The following DPYSL4 variants were observed in gnomAD, a reference collection of about 807,000 sequenced individuals.
DPYSL4 encodes dihydropyrimidinase like 4, also known as dihydropyrimidinase-related protein 4.
Under a neutral mutation model 63.4 loss-of-function variants are expected in DPYSL4, and 43 were observed. That is an observed-to-expected ratio of 0.68 (90% CI 0.53 to 0.88). DPYSL4 has a LOEUF of 0.88. Among genes scored for constraint, DPYSL4 ranks in the 40% least tolerant of loss-of-function variants. The probability of loss-of-function intolerance (pLI) is 0.00; values close to 1 mark genes in which losing one functional copy is unlikely to be tolerated. For synonymous variants in DPYSL4, 353 were observed against 331.7 expected (o/e 1.06, Z -0.70); for missense variants, 733 against 819.5 (o/e 0.89, Z 1.29).
intron 2 of DPYSL4, among the ~76,000 whole-genome samples, chr10:132,191,893 A>C (rs59260286): frequency 8.9e-6 from 1 of 112,822 alleles, no homozygotes; most frequent in Admixed American, 9.7e-5. Context: ...ATCCAGGCAG[A>C]TGAACATAGT....
chr10:132,192,159 A>C, intron 2 of DPYSL4: 2 of 244,830 alleles, frequency 8.2e-6, no homozygotes, highest in Non-Finnish European at 1.3e-5. Flanking sequence ...TTCTAAACCC[A>C]TCCTTGGCAG....
intron 3 of DPYSL4, among the ~76,000 whole-genome samples, chr10:132,193,890 GC>G (rs1365234012): frequency 2.0e-5 from 3 of 152,246 alleles, no homozygotes; most frequent in African/African-American, 7.2e-5. Flanking sequence ...GGTTTACTCA[GC>G]CACAAAGGGA....
rs200919076 is a variant in DPYSL4, at chr10:132,202,720, G to A, written c.1356G>A (p.Val452=). The A allele has an allele frequency of 4.3e-6, 7 of 1,613,492 alleles. No homozygotes were observed. The East Asian group carries it at 6.7e-5, about 15-fold the overall frequency. ...CCGTGGTCATAAGTCAGGGCCGAGT[G>A]GCGCTGGAGGACGGGAAGATGTTTG... The part of the protein sequence containing the change: ...APAVVISQGR[V]ALEDGKMFVT... The change falls in exon 12 of 14, where the codon GTG becomes GTA. Residue 452 remains valine (V), a synonymous_variant. Coordinates refer to ENST00000338492, the MANE Select transcript of DPYSL4 (RefSeq NM_006426.3).
intron 4 of DPYSL4, 110 bp downstream of exon 4, chr10:132,195,119 C>T: frequency 1.5e-6 from 2 of 1,305,694 alleles, no homozygotes; most frequent in Non-Finnish European, 2.0e-6. Context: ...GGCTGGTGTC[C>T]AGGTTTGAGT....
Position 132,202,161 on chromosome 10 carries a change from G to C in DPYSL4, c.1281+45G>C, listed in dbSNP as rs200195729. On this transcript the variant is annotated intron_variant, in intron 11 of 13. Transcript: ENST00000338492. ...AGTCAGGGTTGGCCTTTGTGGGGCC[G>C]GGACCCCAGGGCAGCCTTCCCAGGA... 53 of 1,584,472 alleles carry C rather than the reference G, an allele frequency of 3.3e-5. No homozygotes were observed. In the East Asian group the frequency reaches 1.1e-3, roughly 32 times the overall value.
chr10:132,197,425 G>A (rs577221403), intron 6 of DPYSL4, among the ~76,000 whole-genome samples: 12 of 152,354 alleles, frequency 7.9e-5, no homozygotes, highest in East Asian at 1.9e-4. Context: ...ACCCGCTGGG[G>A]GTTGGGTTAC....
intron 1 of DPYSL4, among the ~76,000 whole-genome samples, chr10:132,188,433 C>T (rs2061833014): frequency 6.6e-6 from 1 of 152,312 alleles, no homozygotes; most frequent in South Asian, 2.1e-4. Flanking sequence ...GCGTGGGTCC[C>T]CTGGGAGGGG....
At position 132,205,111 on chromosome 10, in the gene DPYSL4, C is replaced by T. The variant is rs564419194; in HGVS notation, c.*181C>T. The T allele has an allele frequency of 4.3e-6, 2 of 467,750 alleles. No individual in the cohort carries two copies. Among genetic ancestry groups the T allele is most frequent in the East Asian group, 6.8e-5 (2 of 29,490 alleles). The allele number at this position is 467,750 out of a possible 1,614,324, so 29.0% of individuals were successfully genotyped here. A position where few individuals can be genotyped will look rare whatever the true frequency, so the allele number is the denominator to read the frequency against. On this transcript the variant is annotated 3_prime_UTR_variant, in exon 14 of 14. Coordinates refer to ENST00000338492, the MANE Select transcript of DPYSL4 (RefSeq NM_006426.3). Reference sequence around the variant, plus strand: ...GGTCCCAGGTCCTGCTGCCAAGAGCCCCTCAAGAGAAGGGCTGAACCTGGG... The same window carrying T: ...GGTCCCAGGTCCTGCTGCCAAGAGCTCCTCAAGAGAAGGGCTGAACCTGGG...
chr10:132,201,085 G>A, intron 10 of DPYSL4, 102 bp downstream of exon 10: 1 of 1,484,048 alleles, frequency 6.7e-7, no homozygotes, highest in South Asian at 1.3e-5. Flanking sequence ...GCACACTCGT[G>A]AAACAGATCA....
Position 132,202,783 on chromosome 10 carries a change from A to T in DPYSL4, c.1419A>T (p.Thr473=), listed in dbSNP as rs2062036673. 1.2e-6 allele frequency: 2 copies of T among 1,610,800 alleles called. No individual in the cohort carries two copies. The highest frequency in any genetic ancestry group is 1.7e-6 in the Non-Finnish European group (2 of 1,178,672). The change falls in exon 12 of 14, where the codon ACA becomes ACT. Residue 473 remains threonine, a synonymous_variant. Coordinates refer to ENST00000338492, the MANE Select transcript of DPYSL4 (RefSeq NM_006426.3). Reference sequence around the variant, plus strand: ...CGGGCCGCTTCGTCCCTCGGAAAACATTCCCGGACTTTGTCTACAAGAGGA... The same window carrying T: ...CGGGCCGCTTCGTCCCTCGGAAAACTTTCCCGGACTTTGTCTACAAGAGGA... ...PGAGRFVPRK[T]FPDFVYKRIK...
intron 13 of DPYSL4, among the ~76,000 whole-genome samples, chr10:132,204,464 G>A (rs1175253589): frequency 1.3e-5 from 2 of 152,150 alleles, no homozygotes; most frequent in African/African-American, 4.8e-5. Context: ...ACCTCCTGGG[G>A]ACTCAGGCCT....
At chr10:132,201,860 G>A (rs1410936571) in intron 10 of DPYSL4, 86 bp from the exon 11 acceptor site, 20 of 1,408,338 alleles carry the variant, frequency 1.4e-5, no homozygotes, top group African/African-American at 4.3e-5. Flanking sequence ...CATCCTTGTG[G>A]GGTCCTGGTG....
rs962815504 is a variant in DPYSL4 at position 132,202,943 on chromosome 10, G to A, written c.1461+118G>A. ...TCCCGAGGGGTCAGGAAGACAGAGCGGGGCCGCTGCTTGCCCAGGGCCCTG... is the reference window on the plus strand; with the variant it reads ...TCCCGAGGGGTCAGGAAGACAGAGCAGGGCCGCTGCTTGCCCAGGGCCCTG... On this transcript the variant is annotated intron_variant, in intron 12 of 13. Transcript: ENST00000338492. The A allele has an allele frequency of 9.9e-5, 126 of 1,272,460 alleles. No individual in the cohort carries two copies. The Middle Eastern group carries it at 2.0e-3, about 20-fold the overall frequency. 78.8% of individuals were successfully genotyped at this position (1,272,460 alleles called of 1,614,324 possible).
intron 6 of DPYSL4, among the ~76,000 whole-genome samples, chr10:132,197,339 C>G (rs887828908): frequency 6.6e-6 from 1 of 152,232 alleles, no homozygotes; most frequent in African/African-American, 2.4e-5. Flanking sequence ...TCTCCTTGAT[C>G]AACACTTCTT....
chr10:132,190,764 C>A lies in DPYSL4; in HGVS notation c.57C>A (p.Ile19=). ...IPRITSDRLL[I]RGGRIVNDDQ... is the part of the protein sequence containing the mutation. The stretch of plus-strand genomic sequence containing the variant: ...CCCGATAGAGTGACCGCCTTCTGAT[C>A]AGAGGTGGGAGGATCGTGAATGACG... The change falls in exon 2 of 14, where the codon ATC becomes ATA. Residue 19 remains isoleucine (I), a synonymous_variant. Transcript: ENST00000338492. 1 of 1,613,472 alleles carries A rather than the reference C, an allele frequency of 6.2e-7. No homozygotes were observed. The highest frequency in any genetic ancestry group is 8.5e-7 in the Non-Finnish European group (1 of 1,179,518).
At chr10:132,190,912 A>C in intron 2 of DPYSL4, 77 bp downstream of exon 2, 1 of 1,460,278 alleles carries the variant, frequency 6.8e-7, no homozygotes, top group South Asian at 1.2e-5. Context: ...AGGCAGTTGA[A>C]AGTATGTTCC....
chr10:132,192,874 G>C (rs756206764), intron 3 of DPYSL4, 32 bp downstream of exon 3: 4 of 1,559,372 alleles, frequency 2.6e-6, no homozygotes, highest in East Asian at 2.3e-5. Context: ...TCTACAGGGG[G>C]CAGCCAGCGT....
rs2062054665 is a variant in DPYSL4 at position 132,203,768 on chromosome 10, G to A, written c.1468G>A (p.Glu490Lys). ...KRIKARNRLA[E>K]IHGVPRGLYD... ...GCCCCCACCCCCCCGGCAGCTGGCG[G>A]AGATCCACGGTGTGCCCCGTGGACT... The change falls in exon 13 of 14, where the codon GAG becomes AAG. Residue 490 changes from glutamate (E) to lysine (K), a missense_variant. Physicochemically the swap from Glu to Lys is moderately conservative, Grantham distance 56 (BLOSUM62 1). Coordinates refer to ENST00000338492, the MANE Select transcript of DPYSL4 (RefSeq NM_006426.3). The A allele has an allele frequency of 2.5e-6, 4 of 1,601,794 alleles. No individual in the cohort carries two copies. Among genetic ancestry groups the A allele is most frequent in the Non-Finnish European group, 3.4e-6 (4 of 1,171,654 alleles).
At position 132,205,012 on chromosome 10, in the gene DPYSL4, AT is replaced by A; in HGVS notation, c.*86del. The A allele has an allele frequency of 2.6e-6, 3 of 1,167,952 alleles. No homozygotes were observed. Among genetic ancestry groups the A allele is most frequent in the East Asian group, 2.6e-5 (1 of 38,570 alleles). The allele number at this position is 1,167,952 out of a possible 1,614,324, so 72.3% of individuals were successfully genotyped here. ...CAGGGCACTCGCCCCCCTCCTTAGCATTTTCTTTTGTAGAAGTTTCTCGAAG... is the reference window on the plus strand; with the variant it reads ...CAGGGCACTCGCCCCCCTCCTTAGCATTTCTTTTGTAGAAGTTTCTCGAAG... On this transcript the variant is annotated 3_prime_UTR_variant, in exon 14 of 14. Transcript: ENST00000338492.
Sources: gnomAD v4.1 joint callset for allele counts (sites outside exome capture counted in the v4.1 genomes callset) on GRCh38, gnomAD v4.1.1 for gene constraint, MANE v1.5 for transcripts, NCBI Gene and HGNC (gene_info 2026-07-23, HGNC 2026-07-21) for gene names.